The following KYAT1 variants were observed in gnomAD, a reference collection of about 807,000 sequenced individuals.
KYAT1 encodes the protein kynurenine aminotransferase 1, also known as kynurenine--oxoglutarate transaminase 1.
A neutral mutation model predicts 52.4 loss-of-function variants in KYAT1; 47 were observed. That is an observed-to-expected ratio of 0.90 (90% CI 0.71 to 1.14). KYAT1 has a LOEUF of 1.14. Among genes scored for constraint, KYAT1 ranks in the 50% most tolerant of loss-of-function variants. The pLI is 0.00. For synonymous variants in KYAT1, 212 were observed against 209.6 expected, an observed-to-expected ratio of 1.01 and a Z score of -0.10; for missense variants, 480 against 557.9, an observed-to-expected ratio of 0.86 and a Z score of 1.41.
intron 1 of KYAT1, among the ~76,000 whole-genome samples, chr9:128,864,063 A>G (rs1341978419): frequency 6.6e-6 from 1 of 152,002 alleles, no homozygotes; most frequent in East Asian, 1.9e-4. Context: ...ACGTCCCACC[A>G]CTTAAAAATG....
chr9:128,880,128 T>C (rs993512648), intron 1 of KYAT1, among the ~76,000 whole-genome samples: 1 of 152,202 alleles, frequency 6.6e-6, no homozygotes, highest in Non-Finnish European at 1.5e-5. Context: ...TCTACAACTG[T>C]GGTTCTGGTT....
At position 128,843,652 on chromosome 9, in the gene KYAT1, CA is replaced by C. The variant is rs1207007646; in HGVS notation, c.54-852del. 2.6e-5 allele frequency among the ~76,000 whole-genome samples: 4 copies of C among 152,248 alleles called. No individual in the cohort carries two copies. In the East Asian group the frequency reaches 7.7e-4, roughly 29 times the overall value. ...CCCCCTTGGCCTCTCAAAGTGCTAG[CA>C]GTACAGGCGTGAGCCACCACTACCG... is the stretch of plus-strand genomic sequence containing the variant. On this transcript the variant is annotated intron_variant, in intron 2 of 12. Transcript: ENST00000302586.
Position 128,833,257 on chromosome 9 carries a change from G to A in KYAT1, c.*327C>T. 1 of 473,816 alleles carries A rather than the reference G, an allele frequency of 2.1e-6. No homozygotes were observed. Among genetic ancestry groups the A allele is most frequent in the Non-Finnish European group, 3.8e-6 (1 of 260,480 alleles). 29.4% of individuals were successfully genotyped at this position (473,816 alleles called of 1,614,324 possible). On this transcript the variant is annotated 3_prime_UTR_variant, in exon 13 of 13. Coordinates refer to ENST00000302586, the MANE Select transcript of KYAT1 (RefSeq NM_004059.5). ...CCTTAGCAGGGGCCATGCAGAGCTGGGATGTGATCGGTACATGGTGGAAGT... is the reference window on the plus strand; with the variant it reads ...CCTTAGCAGGGGCCATGCAGAGCTGAGATGTGATCGGTACATGGTGGAAGT...
chr9:128,836,913 T>G lies in KYAT1; in HGVS notation c.577A>C (p.Arg193=). 2.5e-6 allele frequency: 4 copies of G among 1,612,570 alleles called. No homozygotes were observed. The highest frequency in any genetic ancestry group is 1.3e-5 in the African/African-American group (1 of 75,038). Residue 193 remains arginine (R), a synonymous_variant, in exon 7 of 13, where the codon AGG becomes CGG. Transcript: ENST00000302586. ...PNNPLGKVFS[R]EELELVASLC... ...CTGGCCACCAGCTCCAGCTCTTCCC[T>G]GGAGAACACCTGCAGATGCCCAAGG... is the stretch of plus-strand genomic sequence containing the variant.
chr9:128,838,609 T>C (rs1178361324), intron 3 of KYAT1, among the ~76,000 whole-genome samples: 1 of 152,204 alleles, frequency 6.6e-6, no homozygotes, highest in African/African-American at 2.4e-5. Flanking sequence ...GCAGGTGCTA[T>C]TGTGATCCTG....
At chr9:128,879,171 G>A (rs1397254759) in intron 1 of KYAT1, among the ~76,000 whole-genome samples, 2 of 152,196 alleles carry the variant, frequency 1.3e-5, no homozygotes, top group East Asian at 1.9e-4. Context: ...TTAGCCAGGC[G>A]TGGTGGCGGG....
chr9:128,836,601 G>A (rs570600745), intron 7 of KYAT1, among the ~76,000 whole-genome samples: 51 of 152,158 alleles, frequency 3.4e-4, no homozygotes, highest in Non-Finnish European at 5.9e-4. Flanking sequence ...GCTCGGCATA[G>A]GATTTCTTTG....
At chr9:128,868,048 C>T (rs1199426035) in intron 1 of KYAT1, among the ~76,000 whole-genome samples, 1 of 151,926 alleles carries the variant, frequency 6.6e-6, no homozygotes, top group Admixed American at 6.6e-5. Flanking sequence ...ACTGGGATTA[C>T]AGGCGTGAGC....
chr9:128,867,737 A>C (rs1441089346), intron 1 of KYAT1, among the ~76,000 whole-genome samples: 1 of 152,210 alleles, frequency 6.6e-6, no homozygotes, highest in Non-Finnish European at 1.5e-5. Flanking sequence ...GGTTATGTGA[A>C]AAATGCAGGT....
At chr9:128,833,669 A>G (rs1489530837) in intron 12 of KYAT1, 26 bp from the exon 13 acceptor site, 9 of 1,613,776 alleles carry the variant, frequency 5.6e-6, no homozygotes, top group Non-Finnish European at 6.8e-6. Flanking sequence ...TTAGTCCTAC[A>G]CTCTCCCCAT....
At chr9:128,865,331 ATATATATATATATATATATATATATATAT>A (rs1434840310) in intron 1 of KYAT1, among the ~76,000 whole-genome samples, 117 of 1,930 alleles carry the variant, frequency 0.061, 11 homozygotes, top group Non-Finnish European at 0.087. Context: ...ATATATATAT[ATATATATATATATATATATATATATATAT>A]TTTTTTTTTT....
chr9:128,850,632 G>A (rs1258087630), intron 1 of KYAT1, among the ~76,000 whole-genome samples: 1 of 152,168 alleles, frequency 6.6e-6, no homozygotes, highest in African/African-American at 2.4e-5. Flanking sequence ...CGTGGGATGA[G>A]AAAGACCTGA....
chr9:128,845,139 ATGTCACC>A (rs1832861193), intron 2 of KYAT1, among the ~76,000 whole-genome samples: 1 of 152,236 alleles, frequency 6.6e-6, no homozygotes, highest in East Asian at 1.9e-4. Context: ...CAGAGCAGGT[ATGTCACC>A]TGTCCTAGTG....
At chr9:128,840,618 A>ATTTT in intron 3 of KYAT1, 1 of 402,514 alleles carries the variant, frequency 2.5e-6, no homozygotes, top group Admixed American at 3.3e-5. Context: ...TACCCAAATG[A>ATTTT]TTTTTTTTTT....
intron 6 of KYAT1, 101 bp downstream of exon 6, chr9:128,837,584 A>G (rs1304767310): frequency 2.9e-6 from 4 of 1,394,766 alleles, no homozygotes; most frequent in Middle Eastern, 5.0e-4. Flanking sequence ...GCCCTCCCAC[A>G]CACAAACGAA....
At chr9:128,879,661 C>T (rs1412429890) in intron 1 of KYAT1, among the ~76,000 whole-genome samples, 1 of 152,192 alleles carries the variant, frequency 6.6e-6, no homozygotes, top group East Asian at 1.9e-4. Flanking sequence ...GCCCATCTCT[C>T]CTTGAGTCTC....
chr9:128,868,542 T>C (rs1211570161), intron 1 of KYAT1, among the ~76,000 whole-genome samples: 2 of 151,992 alleles, frequency 1.3e-5, no homozygotes, highest in East Asian at 3.9e-4. Context: ...TTTTTCTTTT[T>C]TTCCTTTTTT....
chr9:128,859,625 G>A (rs866059641), intron 1 of KYAT1, among the ~76,000 whole-genome samples: 1 of 151,832 alleles, frequency 6.6e-6, no homozygotes, highest in African/African-American at 2.4e-5. Flanking sequence ...AGCCGAGATC[G>A]TGCTGGTGAG....
chr9:128,870,979 T>G (rs375791219), intron 1 of KYAT1, among the ~76,000 whole-genome samples: 1 of 152,142 alleles, frequency 6.6e-6, no homozygotes, highest in Admixed American at 6.6e-5. Context: ...ATGGTAATTT[T>G]TTAAAAGGGT....
Sources: gnomAD v4.1 joint callset for allele counts (sites outside exome capture counted in the v4.1 genomes callset) on GRCh38, gnomAD v4.1.1 for gene constraint, MANE v1.5 for transcripts, NCBI Gene and HGNC (gene_info 2026-07-23, HGNC 2026-07-21) for gene names.